Variants in ABI2 observed in about 807,000 individuals in gnomAD.
ABI2 encodes the protein abelson interactor 2.
ABI2 carries 25 observed loss-of-function variants against 59.2 expected under a neutral mutation model. That is an observed-to-expected ratio of 0.42 (90% CI 0.31 to 0.59). The LOEUF (loss-of-function observed/expected upper bound fraction) is 0.59. ABI2 is among the 20% of genes least tolerant of loss of function. The pLI, the probability that ABI2 is intolerant of heterozygous loss-of-function variation, is 0.14. For missense variants in ABI2, 545 were observed against 681.8 expected (o/e 0.80, Z 2.23); for synonymous variants, 213 against 235.5 (o/e 0.90, Z 0.87).
intron 2 of ABI2, among the ~76,000 whole-genome samples, chr2:203,379,174 T>C (rs2095927996): frequency 6.6e-6 from 1 of 152,214 alleles, no homozygotes; most frequent in Non-Finnish European, 1.5e-5. Flanking sequence ...ATTAATGAAA[T>C]ATTTTACAGG....
chr2:203,416,025 C>T (rs2097878167), intron 10 of ABI2, among the ~76,000 whole-genome samples: 2 of 152,178 alleles, frequency 1.3e-5, no homozygotes, highest in African/African-American at 4.8e-5. Flanking sequence ...CAAACATCCT[C>T]ATAGATGAAG....
At chr2:203,373,072 A>C (rs2095406150) in intron 2 of ABI2, among the ~76,000 whole-genome samples, 1 of 152,206 alleles carries the variant, frequency 6.6e-6, no homozygotes. Flanking sequence ...GCGGCCGGGC[A>C]GAGGCTGCAA....
At chr2:203,370,906 T>C (rs2095113814) in intron 2 of ABI2, among the ~76,000 whole-genome samples, 1 of 152,186 alleles carries the variant, frequency 6.6e-6, no homozygotes, top group Admixed American at 6.5e-5. Flanking sequence ...TAGTATTCTT[T>C]TCTCTATTGC....
chr2:203,367,336 T>A (rs977852393), intron 2 of ABI2: 39 of 203,258 alleles, frequency 1.9e-4, no homozygotes, highest in African/African-American at 6.1e-4. Context: ...TTTTTTTTTT[T>A]AAAACAAATT....
intron 6 of ABI2, chr2:203,395,192 G>A (rs1434502776): frequency 1.5e-6 from 1 of 647,960 alleles, no homozygotes; most frequent in South Asian, 1.8e-5. Context: ...ATATGGGATA[G>A]TACATCAGAG....
chr2:203,349,577 G>A (rs2086268073), intron 1 of ABI2, among the ~76,000 whole-genome samples: 1 of 151,916 alleles, frequency 6.6e-6, no homozygotes, highest in Non-Finnish European at 1.5e-5. Flanking sequence ...GCTAATTTTT[G>A]TATTTTTAGT....
intron 1 of ABI2, among the ~76,000 whole-genome samples, chr2:203,341,451 A>G (rs2079858739): frequency 6.6e-6 from 1 of 152,134 alleles, no homozygotes; most frequent in Admixed American, 6.6e-5. Flanking sequence ...TCAGTGGCTC[A>G]CTCCTATAAT....
intron 1 of ABI2, among the ~76,000 whole-genome samples, chr2:203,362,897 T>TC (rs2093721486): frequency 6.6e-6 from 1 of 151,910 alleles, no homozygotes; most frequent in African/African-American, 2.4e-5. Context: ...AGTGACCTGA[T>TC]CTCAGCTCAC....
chr2:203,337,389 T>A (rs2076939458), intron 1 of ABI2, among the ~76,000 whole-genome samples: 1 of 152,212 alleles, frequency 6.6e-6, no homozygotes, highest in South Asian at 2.1e-4. Flanking sequence ...CATTTCCATT[T>A]ATAACAGCAG....
intron 4 of ABI2, among the ~76,000 whole-genome samples, chr2:203,386,721 C>A (rs2153266602): frequency 6.6e-6 from 1 of 150,884 alleles, no homozygotes; most frequent in African/African-American, 2.4e-5. Flanking sequence ...CACTGCAACC[C>A]CCGCCTCCTG....
chr2:203,340,016 C>A (rs1042510111), intron 1 of ABI2, among the ~76,000 whole-genome samples: 1 of 152,132 alleles, frequency 6.6e-6, no homozygotes, highest in Non-Finnish European at 1.5e-5. Flanking sequence ...GGGTCAACTG[C>A]ATATGTAATA....
chr2:203,411,244 G>T (rs530407943), intron 9 of ABI2, 41 bp from the exon 10 acceptor site: 1 of 1,421,920 alleles, frequency 7.0e-7, no homozygotes, highest in South Asian at 1.1e-5. Flanking sequence ...AATGTAACTC[G>T]CCCTTATCCC....
intron 9 of ABI2, among the ~76,000 whole-genome samples, chr2:203,410,345 AT>A (rs2097607646): frequency 6.6e-6 from 1 of 152,238 alleles, no homozygotes; most frequent in Admixed American, 6.5e-5. Flanking sequence ...TTTTCTCTTT[AT>A]AAGAAAATGC....
intron 1 of ABI2, chr2:203,329,309 G>C (rs952360526): frequency 1.4e-5 from 1 of 71,338 alleles, no homozygotes; most frequent in African/African-American, 3.1e-5. Context: ...CTGTTTCTTA[G>C]AGAGAATTGG....
At chr2:203,395,050 A>C in intron 6 of ABI2, 1 of 724,980 alleles carries the variant, frequency 1.4e-6, no homozygotes, top group Non-Finnish European at 2.5e-6. Flanking sequence ...AGACATCTCA[A>C]AGTGCAGACT....
At chr2:203,425,795 G>A (rs1442596690) in intron 11 of ABI2, among the ~76,000 whole-genome samples, 1 of 152,156 alleles carries the variant, frequency 6.6e-6, no homozygotes, top group East Asian at 1.9e-4. Flanking sequence ...GCCGAGGCAA[G>A]TGGATCACCT....
intron 1 of ABI2, chr2:203,329,275 G>C (rs961304202): frequency 6.6e-6 from 1 of 152,042 alleles, no homozygotes; most frequent in East Asian, 1.9e-4. Flanking sequence ...GTTTTCCTGG[G>C]GGTGGGAGGA....
At chr2:203,343,590 A>G (rs1458457077) in intron 1 of ABI2, among the ~76,000 whole-genome samples, 3 of 152,104 alleles carry the variant, frequency 2.0e-5, no homozygotes, top group Non-Finnish European at 4.4e-5. Context: ...GGGCCTCCCA[A>G]AGTGTTGAGA....
chr2:203,392,994 G>A (rs1051552941), intron 5 of ABI2, among the ~76,000 whole-genome samples: 2 of 150,170 alleles, frequency 1.3e-5, no homozygotes, highest in African/African-American at 2.5e-5. Context: ...AATCTTATTT[G>A]TGTCATTGCC....
Sources: gnomAD v4.1 joint callset for allele counts (sites outside exome capture counted in the v4.1 genomes callset) on GRCh38, gnomAD v4.1.1 for gene constraint, MANE v1.5 for transcripts, NCBI Gene and HGNC (gene_info 2026-07-23, HGNC 2026-07-21) for gene names.